Variants in AK8 observed in about 807,000 individuals in gnomAD.
AK8 encodes adenylate kinase 8.
A neutral mutation model predicts 54.6 loss-of-function variants in AK8; 44 were observed. The observed-to-expected ratio is 0.81, with a 90% CI of 0.63 to 1.04. AK8 has a LOEUF of 1.04. AK8 is among the 50% of genes least tolerant of loss of function. AK8 has a pLI of 0.00. For synonymous variants in AK8, 239 were observed against 245.6 expected (o/e 0.97, Z 0.25); for missense variants, 555 against 613.6 (o/e 0.90, Z 1.01).
At chr9:132,814,530 C>T (rs144294444) in intron 10 of AK8, 108 bp downstream of exon 10, 33 of 1,103,298 alleles carry the variant, frequency 3.0e-5, no homozygotes, top group African/African-American at 8.0e-5. Flanking sequence ...TTCCATTTCC[C>T]GGCTGTTCTC....
intron 11 of AK8, among the ~76,000 whole-genome samples, chr9:132,757,328 G>A (rs1590203794): frequency 6.6e-6 from 1 of 152,186 alleles, no homozygotes; most frequent in Admixed American, 6.5e-5. Flanking sequence ...TGTCCAACCC[G>A]CTGGCCTCTG....
rs181272069 is a variant in AK8, at chr9:132,795,812, G to A, written c.980-3037C>T. Among the ~76,000 whole-genome samples the A allele has an allele frequency of 1.4e-3, 212 of 152,314 alleles. 1 individual carries two copies. Among genetic ancestry groups the A allele is most frequent in the African/African-American group, 5.0e-3 (206 of 41,580 alleles). On this transcript the variant is annotated intron_variant, in intron 10 of 12. Transcript: ENST00000298545. ...GAAGAAAATCAACCAAATGATGGGAGGCTGATGGTTTGACCGGGCCTAGGA... is the reference window on the plus strand; with the variant it reads ...GAAGAAAATCAACCAAATGATGGGAAGCTGATGGTTTGACCGGGCCTAGGA...
At chr9:132,744,113 C>T (rs1434878694) in intron 11 of AK8, among the ~76,000 whole-genome samples, 3 of 152,054 alleles carry the variant, frequency 2.0e-5, no homozygotes, top group Admixed American at 1.3e-4. Flanking sequence ...CTGTGTCCCC[C>T]GTTACGTAGG....
chr9:132,738,334 T>A (rs547035631), intron 11 of AK8, among the ~76,000 whole-genome samples: 2 of 152,176 alleles, frequency 1.3e-5, no homozygotes, highest in Non-Finnish European at 2.9e-5. Context: ...ATTACAGACG[T>A]GAGCCACCGC....
At position 132,875,089 on chromosome 9, in the gene AK8, G is replaced by C. The variant is rs754140459; in HGVS notation, c.169+26C>G. On this transcript the variant is annotated intron_variant, in intron 2 of 12. Coordinates refer to ENST00000298545, the MANE Select transcript of AK8 (RefSeq NM_152572.3). Reference sequence around the variant, plus strand: ...GGAGGAGGGGAAGGGAAGACGAGGAGGGGAAGAGCCCCAGCCAGTGCTCAC... The same window carrying C: ...GGAGGAGGGGAAGGGAAGACGAGGACGGGAAGAGCCCCAGCCAGTGCTCAC... 5 of 1,613,428 alleles carry C rather than the reference G, an allele frequency of 3.1e-6. No homozygotes were observed. In the Admixed American group the frequency reaches 8.3e-5, roughly 27 times the overall value.
At chr9:132,859,405 AT>A in intron 4 of AK8, among the ~76,000 whole-genome samples, 1 of 151,368 alleles carries the variant, frequency 6.6e-6, no homozygotes, top group Admixed American at 6.6e-5. Context: ...CCCAGCTAAT[AT>A]TTTTTTCTTT....
At chr9:132,819,976 TAGAG>T (rs1245112787) in intron 9 of AK8, among the ~76,000 whole-genome samples, 1 of 151,510 alleles carries the variant, frequency 6.6e-6, no homozygotes, top group Non-Finnish European at 1.5e-5. Flanking sequence ...CTGGGCAACA[TAGAG>T]AGATTCCCGT....
Position 132,860,214 on chromosome 9 carries a change from TGAGCAGGAGAGGGCCCAG to T in AK8, c.333+3433_333+3450del, listed in dbSNP as rs1406275246. 6.6e-6 allele frequency among the ~76,000 whole-genome samples: 1 copy of T among 152,112 alleles called. No individual in the cohort carries two copies. The highest frequency in any genetic ancestry group is 1.5e-5 in the Non-Finnish European group (1 of 68,018). ...CTGATGGTCCAGTGAGGGAGGGGCC[TGAGCAGGAGAGGGCCCAG>T]GAGCCATAAGAACACCATCTCCTCG... is the stretch of plus-strand genomic sequence containing the variant. On this transcript the variant is annotated intron_variant, in intron 4 of 12. Transcript: ENST00000298545. The surrounding 1 kb of genome is among the most constrained non-coding windows in gnomAD (Gnocchi z 4.4).
At chr9:132,797,253 C>A (rs1840217069) in intron 10 of AK8, among the ~76,000 whole-genome samples, 2 of 151,950 alleles carry the variant, frequency 1.3e-5, no homozygotes, top group African/African-American at 4.8e-5. Flanking sequence ...TATACCCCAG[C>A]ACCTGGCACA....
chr9:132,812,228 CTT>C (rs528951216), intron 10 of AK8, among the ~76,000 whole-genome samples: 2 of 92,556 alleles, frequency 2.2e-5, no homozygotes, highest in Non-Finnish European at 2.0e-5. Flanking sequence ...GCTACTGTGG[CTT>C]TTTTTTTTTT....
intron 11 of AK8, among the ~76,000 whole-genome samples, chr9:132,751,818 G>C (rs1176099832): frequency 6.6e-6 from 1 of 151,796 alleles, no homozygotes; most frequent in Non-Finnish European, 1.5e-5. Flanking sequence ...TTAAGACCCT[G>C]TTTTCATTTT....
chr9:132,757,291 G>C (rs1335937506), intron 11 of AK8, among the ~76,000 whole-genome samples: 4 of 152,150 alleles, frequency 2.6e-5, no homozygotes, highest in African/African-American at 9.7e-5. Flanking sequence ...GGCTCCCCCC[G>C]TCACCCTCAC....
At chr9:132,740,057 C>T (rs927644309) in intron 11 of AK8, among the ~76,000 whole-genome samples, 1 of 152,250 alleles carries the variant, frequency 6.6e-6, no homozygotes, top group Non-Finnish European at 1.5e-5. Context: ...AAGCTGCCAA[C>T]ATGGCGTCCT....
chr9:132,797,711 AT>A (rs200284339), intron 10 of AK8, among the ~76,000 whole-genome samples: 2 of 151,800 alleles, frequency 1.3e-5, no homozygotes, highest in African/African-American at 2.4e-5. Flanking sequence ...TAAAAATGTG[AT>A]TTTTTTTTAA....
At chr9:132,737,019 G>A (rs996286609) in intron 11 of AK8, among the ~76,000 whole-genome samples, 2 of 152,096 alleles carry the variant, frequency 1.3e-5, no homozygotes, top group Non-Finnish European at 2.9e-5. Flanking sequence ...TAGAGTTTCA[G>A]TTTGGGATGA....
At chr9:132,792,960 G>A (rs1840009817) in intron 10 of AK8, among the ~76,000 whole-genome samples, 185 bp from the exon 11 acceptor site, 1 of 152,246 alleles carries the variant, frequency 6.6e-6, no homozygotes, top group African/African-American at 2.4e-5. Context: ...CAGCAACGGG[G>A]CTGCGTGAGA....
chr9:132,783,436 T>C (rs1392206582), intron 11 of AK8, among the ~76,000 whole-genome samples: 1 of 152,164 alleles, frequency 6.6e-6, no homozygotes, highest in Non-Finnish European at 1.5e-5. Context: ...GATGGCAATA[T>C]AGGTAACTAA....
intron 1 of AK8, among the ~76,000 whole-genome samples, chr9:132,875,716 C>A (rs893492529): frequency 6.6e-6 from 1 of 152,234 alleles, no homozygotes; most frequent in Non-Finnish European, 1.5e-5. Flanking sequence ...ACGCCTCACC[C>A]TGTCCCTACT....
chr9:132,876,007 TGAG>T (rs1844079348), intron 1 of AK8, among the ~76,000 whole-genome samples: 2 of 152,286 alleles, frequency 1.3e-5, no homozygotes, highest in South Asian at 4.1e-4. Flanking sequence ...GGCAGAGAAA[TGAG>T]GAGGAGCTCA....
Sources: gnomAD v4.1 joint callset for allele counts (sites outside exome capture counted in the v4.1 genomes callset) on GRCh38, gnomAD v4.1.1 for gene constraint, Gnocchi (gnomAD v3.1) non-coding constraint, MANE v1.5 for transcripts, NCBI Gene and HGNC (gene_info 2026-07-23, HGNC 2026-07-21) for gene names.